The following ME1 variants were observed in gnomAD, a reference collection of about 807,000 sequenced individuals.
ME1 encodes the protein NADP-dependent malic enzyme.
Under a neutral mutation model 66.4 loss-of-function variants are expected in ME1, and 74 were observed. The ratio of observed to expected loss-of-function variants is 1.11; its 90% CI spans 0.92 to 1.35. The LOEUF is 1.35. ME1 is among the 40% of genes most tolerant of loss of function. The pLI is 0.00. For synonymous variants in ME1, 251 were observed against 235.6 expected, an observed-to-expected ratio of 1.07 and a Z score of -0.60; for missense variants, 750 against 694.1, an observed-to-expected ratio of 1.08 and a Z score of -0.90.
intron 7 of ME1, among the ~76,000 whole-genome samples, chr6:83,243,061 C>A (rs1414402998): frequency 6.6e-6 from 1 of 151,636 alleles, no homozygotes; most frequent in South Asian, 2.1e-4. Flanking sequence ...GATTTGAGAC[C>A]AGCCTGGGCA....
intron 9 of ME1, among the ~76,000 whole-genome samples, chr6:83,230,748 G>A (rs1326631513): frequency 2.6e-5 from 4 of 151,974 alleles, no homozygotes; most frequent in African/African-American, 4.8e-5. Context: ...TGGTTAACAC[G>A]GTGAAACCCC....
chr6:83,267,825 T>G (rs1767014228), intron 6 of ME1, among the ~76,000 whole-genome samples: 1 of 152,228 alleles, frequency 6.6e-6, no homozygotes, highest in Admixed American at 6.5e-5. Flanking sequence ...ATATGTGATA[T>G]CCATTGACAA....
At chr6:83,240,332 T>C (rs1400484241) in intron 7 of ME1, among the ~76,000 whole-genome samples, 1 of 152,132 alleles carries the variant, frequency 6.6e-6, no homozygotes, top group East Asian at 1.9e-4. Context: ...TTGTATCATT[T>C]AATAGACTTT....
At chr6:83,213,783 C>A (rs1466051060) in intron 13 of ME1, among the ~76,000 whole-genome samples, 2 of 151,796 alleles carry the variant, frequency 1.3e-5, no homozygotes, top group Non-Finnish European at 2.9e-5. Context: ...CATTTATGAA[C>A]AATTAAGGTT....
chr6:83,356,613 T>G (rs1417039384), intron 3 of ME1, among the ~76,000 whole-genome samples: 2 of 152,192 alleles, frequency 1.3e-5, no homozygotes, highest in African/African-American at 4.8e-5. Flanking sequence ...GAAAATGATC[T>G]AACAGGTAAG....
intron 6 of ME1, among the ~76,000 whole-genome samples, chr6:83,276,030 G>A (rs1332563355): frequency 6.6e-6 from 1 of 151,624 alleles, no homozygotes; most frequent in Non-Finnish European, 1.5e-5. Flanking sequence ...TCGGTCTCCG[G>A]AACTGCTGGA....
chr6:83,314,563 C>T (rs1767990682), intron 6 of ME1, among the ~76,000 whole-genome samples: 1 of 152,120 alleles, frequency 6.6e-6, no homozygotes, highest in Admixed American at 6.6e-5. Context: ...TTGTTTTACA[C>T]ACAAAATTAT....
chr6:83,323,677 G>C (rs867276661), intron 5 of ME1, among the ~76,000 whole-genome samples: 1 of 151,990 alleles, frequency 6.6e-6, no homozygotes, highest in Non-Finnish European at 1.5e-5. Context: ...GAGCACCCAG[G>C]TTCATAAAGC....
chr6:83,384,109 T>C (rs1444807332), intron 3 of ME1, among the ~76,000 whole-genome samples: 1 of 151,844 alleles, frequency 6.6e-6, no homozygotes, highest in East Asian at 1.9e-4. Flanking sequence ...TCTTTGCTAT[T>C]GTGAATAATG....
intron 7 of ME1, among the ~76,000 whole-genome samples, chr6:83,250,660 A>ATAGATT (rs539761260): frequency 6.1e-4 from 93 of 152,312 alleles, no homozygotes; most frequent in African/African-American, 2.1e-3. Context: ...AGATGCCACC[A>ATAGATT]TCATAGATTT....
At chr6:83,418,977 T>C (rs1413972563) in intron 1 of ME1, among the ~76,000 whole-genome samples, 2 of 152,132 alleles carry the variant, frequency 1.3e-5, no homozygotes, top group African/African-American at 2.4e-5. Context: ...ATATAACCCC[T>C]AATGCAGAAA....
chr6:83,237,742 AC>A lies in ME1; in HGVS notation c.1000del (p.Val334LeufsTer6). 1 of 1,598,022 alleles carries A rather than the reference AC, an allele frequency of 6.3e-7. No individual in the cohort carries two copies. The highest frequency in any genetic ancestry group is 8.5e-7 in the Non-Finnish European group (1 of 1,170,484). On this transcript the variant is annotated frameshift_variant, in exon 9 of 14. Transcript: ENST00000369705. LOFTEE classifies it high-confidence loss of function. The stretch of plus-strand genomic sequence containing the variant: ...CTTAACTATTAATCCTTTTGAATCA[AC>A]CAGCCATATCTTTTTGATGGCTTTC... ...KEKAIKKIWL[V>X]DSKGLIVKGR...
intron 6 of ME1, among the ~76,000 whole-genome samples, chr6:83,274,357 C>G (rs1188616619): frequency 2.0e-5 from 3 of 152,136 alleles, no homozygotes; most frequent in Non-Finnish European, 2.9e-5. Flanking sequence ...TGCTCCATCT[C>G]TTCAACTCCA....
rs745377867 is a variant in ME1 at position 83,239,545 on chromosome 6, A to G, written c.906T>C (p.Ala302=). 5.9e-5 allele frequency: 95 copies of G among 1,610,556 alleles called. No homozygotes were observed. The highest frequency in any genetic ancestry group is 7.7e-5 in the Non-Finnish European group (91 of 1,177,116). The change falls in exon 8 of 14, where the codon GCT becomes GCC. Residue 302 remains alanine (A), a synonymous_variant. Transcript: ENST00000369705. ...TATTACACAAGGCAAATACCTCTCCAGCTCCTTGGAATAGTATTGTTTGAT... is the reference window on the plus strand; with the variant it reads ...TATTACACAAGGCAAATACCTCTCCGGCTCCTTGGAATAGTATTGTTTGAT... ...LSDQTILFQG[A]GEAALGIAHL...
chr6:83,291,309 G>A (rs1340032370), intron 6 of ME1, among the ~76,000 whole-genome samples: 5 of 152,152 alleles, frequency 3.3e-5, no homozygotes, highest in African/African-American at 4.8e-5. Context: ...TTGTAAGGCA[G>A]GCCTGGTGGT....
intron 6 of ME1, among the ~76,000 whole-genome samples, chr6:83,294,151 T>G (rs1288258455): frequency 6.6e-6 from 1 of 152,234 alleles, no homozygotes; most frequent in Non-Finnish European, 1.5e-5. Context: ...CTTTTGCCAC[T>G]GAAATACATG....
chr6:83,258,724 T>C (rs1209267667), intron 6 of ME1, among the ~76,000 whole-genome samples: 1 of 152,112 alleles, frequency 6.6e-6, no homozygotes, highest in Non-Finnish European at 1.5e-5. Flanking sequence ...GAAGAATGTA[T>C]TATCCACTTA....
At chr6:83,232,448 T>C (rs987258349) in intron 9 of ME1, among the ~76,000 whole-genome samples, 2 of 152,206 alleles carry the variant, frequency 1.3e-5, no homozygotes, top group Non-Finnish European at 2.9e-5. Context: ...AGATAGTAGG[T>C]GGTGAACTCC....
At chr6:83,212,953 C>T (rs746435691) in intron 13 of ME1, among the ~76,000 whole-genome samples, 1 of 151,822 alleles carries the variant, frequency 6.6e-6, no homozygotes, top group Non-Finnish European at 1.5e-5. Flanking sequence ...TGTCTTCATA[C>T]ATCTTCTCTT....
Sources: allele counts gnomAD v4.1 joint callset (sites outside exome capture counted in the v4.1 genomes callset), GRCh38; gene constraint gnomAD v4.1.1; transcripts MANE v1.5; gene names NCBI Gene and HGNC (gene_info 2026-07-23, HGNC 2026-07-21).